The following IFT25 variants were observed in gnomAD, a reference collection of about 807,000 sequenced individuals.
IFT25 encodes intraflagellar transport 25.
At chr1:53,916,147 T>G in the IFT25 span, among the ~76,000 whole-genome samples, 2 of 146,870 alleles carry the variant, frequency 1.4e-5, no homozygotes, top group African/African-American at 5.1e-5. Context: ...TTTGTGCCAC[T>G]GCGCTCCAGC....
At chr1:53,932,347 A>AT in the IFT25 span, among the ~76,000 whole-genome samples, 1 of 151,860 alleles carries the variant, frequency 6.6e-6, no homozygotes, top group Non-Finnish European at 1.5e-5. Context: ...AAAAAAAAAA[A>AT]GAAAGATTTT....
the IFT25 span, among the ~76,000 whole-genome samples, chr1:53,938,943 G>C: frequency 6.6e-6 from 1 of 151,796 alleles, no homozygotes; most frequent in Admixed American, 6.6e-5. Flanking sequence ...GCGTGGTGGC[G>C]CATGCCTGTA....
chr1:53,924,619 G>C, the IFT25 span, among the ~76,000 whole-genome samples: 4 of 152,174 alleles, frequency 2.6e-5, no homozygotes, highest in African/African-American at 9.6e-5. Context: ...GGCGGATCAC[G>C]AGTTCAGGAG....
the IFT25 span, chr1:53,916,664 A>G: frequency 3.2e-6 from 1 of 309,650 alleles, no homozygotes; most frequent in African/African-American, 2.2e-5. Context: ...GTTACAAGAA[A>G]ATACCTGAAA....
chr1:53,945,057 G>C, the IFT25 span, among the ~76,000 whole-genome samples: 1 of 152,200 alleles, frequency 6.6e-6, no homozygotes, highest in Admixed American at 6.5e-5. Context: ...TCTCCGAGGG[G>C]CCAGGGCCAC....
chr1:53,923,323 T>C, the IFT25 span, among the ~76,000 whole-genome samples: 2 of 152,224 alleles, frequency 1.3e-5, no homozygotes, highest in South Asian at 4.1e-4. Context: ...GTTTTGTGTT[T>C]GTCTAAAACC....
chr1:53,942,498 T>C, the IFT25 span, among the ~76,000 whole-genome samples: 4 of 152,226 alleles, frequency 2.6e-5, no homozygotes, highest in African/African-American at 4.8e-5. Flanking sequence ...TACAGTGACA[T>C]AGCTGAGTCA....
At chr1:53,928,092 A>G in the IFT25 span, among the ~76,000 whole-genome samples, 1 of 152,246 alleles carries the variant, frequency 6.6e-6, no homozygotes, top group South Asian at 2.1e-4. Flanking sequence ...ATTATATGCC[A>G]GACACTAGTT....
chr1:53,918,497 CAT>C, the IFT25 span, among the ~76,000 whole-genome samples: 2 of 152,190 alleles, frequency 1.3e-5, no homozygotes, highest in East Asian at 3.9e-4. Flanking sequence ...AATTATTCTT[CAT>C]CTCATTGGCC....
chr1:53,935,104 A>G, the IFT25 span, among the ~76,000 whole-genome samples: 37 of 152,170 alleles, frequency 2.4e-4, no homozygotes, highest in Non-Finnish European at 4.6e-4. Flanking sequence ...TCATGAGGTC[A>G]AGAGATCAAG....
chr1:53,912,206 A>G, the IFT25 span, among the ~76,000 whole-genome samples: 1 of 152,216 alleles, frequency 6.6e-6, no homozygotes, highest in Non-Finnish European at 1.5e-5. Context: ...TGGTCTTCCA[A>G]TTCGTGTCTA....
At chr1:53,920,608 T>G in the IFT25 span, among the ~76,000 whole-genome samples, 6 of 152,226 alleles carry the variant, frequency 3.9e-5, no homozygotes, top group African/African-American at 1.4e-4. Context: ...TTTGATGTGC[T>G]CACTGATACT....
chr1:53,928,677 TTCTGAA>T, the IFT25 span: 1 of 418,454 alleles, frequency 2.4e-6, no homozygotes, highest in Non-Finnish European at 4.3e-6. Flanking sequence ...AGTAGAGCTT[TTCTGAA>T]TTTGGCATTG....
the IFT25 span, among the ~76,000 whole-genome samples, chr1:53,932,623 G>A: frequency 2.0e-5 from 3 of 152,216 alleles, no homozygotes; most frequent in Non-Finnish European, 2.9e-5. Flanking sequence ...GCAGTGCAGT[G>A]GCACAATCTT....
At chr1:53,929,952 A>G in the IFT25 span, 3 of 1,454,396 alleles carry the variant, frequency 2.1e-6, no homozygotes, top group Non-Finnish European at 2.7e-6. Context: ...GCCTGTGGAA[A>G]AAATGAAAGG....
chr1:53,934,539 T>C, the IFT25 span, among the ~76,000 whole-genome samples: 2 of 152,182 alleles, frequency 1.3e-5, 1 homozygote, highest in Non-Finnish European at 2.9e-5. Context: ...TATTTTAAAA[T>C]AAAATTGGGA....
chr1:53,941,637 G>A, the IFT25 span, among the ~76,000 whole-genome samples: 2 of 152,178 alleles, frequency 1.3e-5, no homozygotes, highest in African/African-American at 2.4e-5. Context: ...TTAGTTTTAA[G>A]AGGAGAAAGA....
At chr1:53,938,787 A>C in the IFT25 span, among the ~76,000 whole-genome samples, 1 of 152,200 alleles carries the variant, frequency 6.6e-6, no homozygotes, top group Non-Finnish European at 1.5e-5. Context: ...TTAAAAAAGG[A>C]GTCCTCCACC....
At chr1:53,921,186 T>G in the IFT25 span, among the ~76,000 whole-genome samples, 1 of 152,124 alleles carries the variant, frequency 6.6e-6, no homozygotes, top group African/African-American at 2.4e-5. Flanking sequence ...AATATTTTTT[T>G]TAATTAAAAA....
Sources: allele counts gnomAD v4.1 joint callset (sites outside exome capture counted in the v4.1 genomes callset), GRCh38; gene constraint gnomAD v4.1.1; transcripts MANE v1.5; gene names NCBI Gene and HGNC (gene_info 2026-07-23, HGNC 2026-07-21).